Variants in SCN3A observed in about 807,000 individuals in gnomAD.
SCN3A encodes the protein sodium channel protein type 3 subunit alpha.
Under a neutral mutation model 187.6 loss-of-function variants are expected in SCN3A, and 60 were observed. That is an observed-to-expected ratio of 0.32 (90% CI 0.26 to 0.40). The LOEUF is 0.40. SCN3A is among the 10% of genes least tolerant of loss of function. The pLI, the probability that SCN3A is intolerant of heterozygous loss-of-function variation, is 1.00. For missense variants in SCN3A, 1,601 were observed against 2,428.2 expected (o/e 0.66, Z 7.16); for synonymous variants, 788 against 829.2 (o/e 0.95, Z 0.85).
At chr2:165,176,090 T>A (rs966658273) in intron 3 of SCN3A, 41 bp downstream of exon 3, 2 of 1,592,844 alleles carry the variant, frequency 1.3e-6, no homozygotes, top group Non-Finnish European at 1.7e-6. Flanking sequence ...CAGTTAAGAG[T>A]TTCATTAAAG....
At chr2:165,112,276 A>T (rs1210899963) in intron 21 of SCN3A, among the ~76,000 whole-genome samples, 1 of 151,614 alleles carries the variant, frequency 6.6e-6, no homozygotes, top group African/African-American at 2.4e-5. Flanking sequence ...TACTCACCCC[A>T]GGGTAATCAG....
At position 165,113,983 on chromosome 2, in the gene SCN3A, T is replaced by G. The variant is rs755375097; in HGVS notation, c.3515-13A>C. On this transcript the variant is annotated splice_polypyrimidine_tract_variant and intron_variant, in intron 19 of 27. Coordinates refer to ENST00000283254, the MANE Select transcript of SCN3A (RefSeq NM_006922.4). ...TTTTTAATACATCCTAAAAATCAAATATAGTTAATTAAAAAATATATTTTA... is the reference window on the plus strand; with the variant it reads ...TTTTTAATACATCCTAAAAATCAAAGATAGTTAATTAAAAAATATATTTTA... 6.8e-7 allele frequency: 1 copy of G among 1,477,830 alleles called. No homozygotes were observed. The highest frequency in any genetic ancestry group is 1.3e-5 in the South Asian group (1 of 79,648). The allele number at this position is 1,477,830 out of a possible 1,614,324, so 91.5% of individuals were successfully genotyped here. A position where few individuals can be genotyped will look rare whatever the true frequency, so the allele number is the denominator to read the frequency against.
intron 26 of SCN3A, chr2:165,093,744 G>T (rs1685224148): frequency 6.6e-6 from 1 of 152,314 alleles, no homozygotes; most frequent in Non-Finnish European, 1.5e-5. Flanking sequence ...TCCCAGTTCT[G>T]GCAATTACAA....
At chr2:165,149,375 A>G (rs1012872220) in intron 11 of SCN3A, among the ~76,000 whole-genome samples, 1 of 151,978 alleles carries the variant, frequency 6.6e-6, no homozygotes, top group African/African-American at 2.4e-5. Context: ...GGGTTTCACT[A>G]TGTTGGCCAG....
chr2:165,119,227 A>T (rs542762226), intron 18 of SCN3A, among the ~76,000 whole-genome samples: 6 of 152,322 alleles, frequency 3.9e-5, no homozygotes, highest in African/African-American at 1.4e-4. Flanking sequence ...CTTAGTCAGA[A>T]ATGCTACTAC....
chr2:165,119,333 AGTTATGC>A (rs1686537358), intron 18 of SCN3A, among the ~76,000 whole-genome samples: 1 of 152,230 alleles, frequency 6.6e-6, no homozygotes, highest in Non-Finnish European at 1.5e-5. Flanking sequence ...AAATTTCTAA[AGTTATGC>A]ATTTACCTAC....
At position 165,092,281 on chromosome 2, in the gene SCN3A, A is replaced by G. The variant is rs947813427; in HGVS notation, c.4780T>C (p.Phe1594Leu). Residue 1594 changes from phenylalanine to leucine, a missense_variant, in exon 27 of 28, where the codon TTT (phenylalanine) becomes CTT (leucine). Transcript: ENST00000283254. This position sits in a 1 kb window ranked among gnomAD's most constrained non-coding sequence, Gnocchi z 4.2. ...YFTIGWNIFDFVVVILSIVGM... is the reference protein window; with the variant it reads ...YFTIGWNIFDLVVVILSIVGM... ...ACAATGGAGAGAATCACCACCACAA[A>G]GTCAAAGATGTTCCAGCCTATAGTG... 2 of 1,613,896 alleles carry G rather than the reference A, an allele frequency of 1.2e-6. No individual in the cohort carries two copies. The highest frequency in any genetic ancestry group is 1.7e-5 in the Admixed American group (1 of 59,966).
In SCN3A at chr2:165,129,804, T is replaced by C. The variant is rs549102456; in HGVS notation, c.2922+136A>G. ...CAGGAGAAGTTAAATAACTTGCTTA[T>C]TCTCTGAGTGCTAATAGGGGGATTT... On this transcript the variant is annotated intron_variant, in intron 17 of 27. Transcript: ENST00000283254. The C allele has an allele frequency of 3.7e-6, 4 of 1,081,532 alleles. No individual in the cohort carries two copies. The South Asian group carries it at 5.1e-5, about 14-fold the overall frequency. The allele number at this position is 1,081,532 out of a possible 1,614,324, so 67.0% of individuals were successfully genotyped here. A position where few individuals can be genotyped will look rare whatever the true frequency, so the allele number is the denominator to read the frequency against.
At chr2:165,188,574 G>A (rs1303059769) in intron 1 of SCN3A, among the ~76,000 whole-genome samples, 2 of 152,076 alleles carry the variant, frequency 1.3e-5, no homozygotes, top group African/African-American at 4.8e-5. Context: ...TGGATCACAA[G>A]GTCAGGAGTT....
chr2:165,113,933 T>G lies in SCN3A; in HGVS notation c.3552A>C (p.Thr1184=). The change falls in exon 20 of 28, where the codon ACA becomes ACC. Residue 1184 remains threonine, a synonymous_variant. Transcript: ENST00000283254. ...IKKFPFCQVS[T]EEGKGKIWWN... is the part of the protein sequence containing the mutation. The stretch of plus-strand genomic sequence containing the variant: ...ACCAGATCTTCCCTTTGCCTTCTTC[T>G]GTACTTACTTGACAGAATGGAAACT... The G allele has an allele frequency of 6.2e-7, 1 of 1,611,756 alleles. No individual in the cohort carries two copies. The highest frequency in any genetic ancestry group is 1.1e-5 in the South Asian group (1 of 90,968).
chr2:165,142,056 A>G (rs1688041588), intron 12 of SCN3A, among the ~76,000 whole-genome samples: 1 of 152,158 alleles, frequency 6.6e-6, no homozygotes, highest in Non-Finnish European at 1.5e-5. Flanking sequence ...AAACATCTCT[A>G]TTCAGTCTGC....
chr2:165,168,655 A>G (rs1689925229), intron 5 of SCN3A, 81 bp downstream of exon 5: 1 of 994,144 alleles, frequency 1.0e-6, no homozygotes, highest in East Asian at 2.4e-5. Flanking sequence ...AGTGGAAACC[A>G]TAAGTCAGGC....
At chr2:165,188,715 G>A (rs1267887540) in intron 1 of SCN3A, among the ~76,000 whole-genome samples, 2 of 148,456 alleles carry the variant, frequency 1.3e-5, no homozygotes, top group African/African-American at 2.5e-5. Context: ...AGAAGTGCTT[G>A]AACCTGGGAG....
intron 3 of SCN3A, among the ~76,000 whole-genome samples, chr2:165,173,368 G>A (rs977947994): frequency 1.3e-5 from 2 of 152,120 alleles, no homozygotes; most frequent in Non-Finnish European, 2.9e-5. Context: ...GTGTGGCCTT[G>A]AGCAAGTTAC....
chr2:165,121,199 T>C (rs1686658448), intron 18 of SCN3A, among the ~76,000 whole-genome samples: 1 of 152,080 alleles, frequency 6.6e-6, no homozygotes, highest in Non-Finnish European at 1.5e-5. Flanking sequence ...ACAAAGAGCA[T>C]TTGGAAGACA....
At chr2:165,202,561 C>T (rs1277215402) in intron 1 of SCN3A, among the ~76,000 whole-genome samples, 1 of 152,000 alleles carries the variant, frequency 6.6e-6, no homozygotes, top group Non-Finnish European at 1.5e-5. Flanking sequence ...CAGGCAACCA[C>T]TATTTTGAAA....
chr2:165,147,292 G>A (rs377030228), intron 11 of SCN3A, among the ~76,000 whole-genome samples: 1 of 134,526 alleles, frequency 7.4e-6, no homozygotes, highest in Non-Finnish European at 1.6e-5. Flanking sequence ...TTGGGGGGGG[G>A]GGGTTGGTGA....
intron 6 of SCN3A, 93 bp from the exon 7 acceptor site, chr2:165,163,802 C>T: frequency 1.9e-6 from 3 of 1,613,706 alleles, no homozygotes; most frequent in Admixed American, 3.3e-5. Flanking sequence ...TTCTTCTTAC[C>T]TGGAATTACA....
chr2:165,151,657 A>G (rs1688690091), intron 11 of SCN3A, among the ~76,000 whole-genome samples: 1 of 152,142 alleles, frequency 6.6e-6, no homozygotes, highest in Non-Finnish European at 1.5e-5. Flanking sequence ...CCATGAATGG[A>G]TGAGATGAAG....
Sources: gnomAD v4.1 joint callset for allele counts (sites outside exome capture counted in the v4.1 genomes callset) on GRCh38, gnomAD v4.1.1 for gene constraint, Gnocchi (gnomAD v3.1) non-coding constraint, MANE v1.5 for transcripts, NCBI Gene and HGNC (gene_info 2026-07-23, HGNC 2026-07-21) for gene names.